Variants in IARS2 observed in about 807,000 individuals in gnomAD.
IARS2 encodes isoleucine--tRNA ligase, mitochondrial.
IARS2 carries 56 observed loss-of-function variants against 126.3 expected under a neutral mutation model. The observed-to-expected ratio is 0.44, with a 90% CI of 0.36 to 0.55. IARS2 has a LOEUF of 0.55. IARS2 is among the 20% of genes least tolerant of loss of function. IARS2 has a pLI of 0.00. For missense variants in IARS2, 1,127 were observed against 1,245.9 expected, an observed-to-expected ratio of 0.90 and a Z score of 1.44; for synonymous variants, 407 against 441.1, an observed-to-expected ratio of 0.92 and a Z score of 0.97.
Position 220,147,873 on chromosome 1 carries a change from GTATATCTCTTCCTATATA to G in IARS2, c.*242_*259del, listed in dbSNP as rs1475706112. On this transcript the variant is annotated 3_prime_UTR_variant, in exon 23 of 23. Transcript: ENST00000366922. The stretch of plus-strand genomic sequence containing the variant: ...TGTGTGTATCTGTGGATGGATATAT[GTATATCTCTTCCTATATA>G]TATCCATAGTGGACTTATTCAGAAC... 1 of 493,048 alleles carries G rather than the reference GTATATCTCTTCCTATATA, an allele frequency of 2.0e-6. No individual in the cohort carries two copies. Among genetic ancestry groups the G allele is most frequent in the African/African-American group, 1.9e-5 (1 of 52,790 alleles). The allele number at this position is 493,048 out of a possible 1,614,324, so 30.5% of individuals were successfully genotyped here. A position where few individuals can be genotyped will look rare whatever the true frequency, so the allele number is the denominator to read the frequency against.
chr1:220,147,768 C>CA lies in IARS2; in HGVS notation c.*137dup, dbSNP rs907435017. ...TGAGTAAATGGTGGAGGATGGGAGT[C>CA]AAAATCAGAATTATAGAAGAAGTAT... On this transcript the variant is annotated 3_prime_UTR_variant, in exon 23 of 23. Coordinates refer to ENST00000366922, the MANE Select transcript of IARS2 (RefSeq NM_018060.4). The CA allele has an allele frequency of 8.9e-6, 7 of 782,942 alleles. No homozygotes were observed. Among genetic ancestry groups the CA allele is most frequent in the Non-Finnish European group, 1.4e-5 (7 of 492,814 alleles). The allele number at this position is 782,942 out of a possible 1,614,324, so 48.5% of individuals were successfully genotyped here.
In IARS2 at chr1:220,141,797, G is replaced by A. The variant is rs1393431388; in HGVS notation, c.2415-6G>A. 1 of 1,613,336 alleles carries A rather than the reference G, an allele frequency of 6.2e-7. No individual in the cohort carries two copies. Among genetic ancestry groups the A allele is most frequent in the Non-Finnish European group, 8.5e-7 (1 of 1,179,680 alleles). On this transcript the variant is annotated splice_polypyrimidine_tract_variant and splice_region_variant and intron_variant, in intron 19 of 22. Coordinates refer to ENST00000366922, the MANE Select transcript of IARS2 (RefSeq NM_018060.4). ...GTCAACTGCTGAATAAGTTGTTCTT[G>A]TTCAGGCTCTATTGTGAAAAGGAAA... is the stretch of plus-strand genomic sequence containing the variant.
At chr1:220,133,057 C>T (rs1657301950) in intron 14 of IARS2, among the ~76,000 whole-genome samples, 1 of 151,250 alleles carries the variant, frequency 6.6e-6, no homozygotes, top group Non-Finnish European at 1.5e-5. Flanking sequence ...GTCGCCCAGG[C>T]TAGAGTGCAG....
intron 1 of IARS2, 120 bp downstream of exon 1, chr1:220,094,603 C>T: frequency 1.2e-6 from 1 of 816,274 alleles, no homozygotes; most frequent in South Asian, 1.9e-5. Context: ...GGGGTGTGAC[C>T]AGATTGGTGG....
chr1:220,139,182 C>G, intron 18 of IARS2, 43 bp downstream of exon 18: 1 of 1,548,660 alleles, frequency 6.5e-7, no homozygotes, highest in Non-Finnish European at 8.8e-7. Flanking sequence ...GAAATATCAG[C>G]ACTATTGTAG....
intron 18 of IARS2, among the ~76,000 whole-genome samples, 176 bp downstream of exon 18, chr1:220,139,315 A>G (rs1264515273): frequency 1.3e-5 from 2 of 152,190 alleles, no homozygotes; most frequent in Admixed American, 6.5e-5. Flanking sequence ...GATTAGCTCT[A>G]TTTTTCCAAC....
At chr1:220,123,425 T>G (rs758795399) in intron 12 of IARS2, among the ~76,000 whole-genome samples, 2 of 152,198 alleles carry the variant, frequency 1.3e-5, no homozygotes, top group Non-Finnish European at 2.9e-5. Flanking sequence ...CTTACTGATA[T>G]CCAGCTTTTA....
Position 220,096,186 on chromosome 1 carries a change from A to C in IARS2, c.350A>C (p.Tyr117Ser). 1 of 1,602,778 alleles carries C rather than the reference A, an allele frequency of 6.2e-7. No individual in the cohort carries two copies. ...TEFCLHDGPP[Y>S]ANGDPHVGHA... ...TTTTGCCTTCATGATGGACCTCCTT[A>C]TGCAAACGGTGACCCTCATGTTGGA... The change falls in exon 2 of 23, where the codon TAT (tyrosine) becomes TCT (serine). Residue 117 changes from tyrosine (Y) to serine (S), a missense_variant. By Grantham distance (144) the Tyr-to-Ser change is moderately radical. Transcript: ENST00000366922.
chr1:220,108,738 C>T (rs1193516904), intron 10 of IARS2, among the ~76,000 whole-genome samples: 3 of 151,782 alleles, frequency 2.0e-5, no homozygotes, highest in African/African-American at 7.3e-5. Context: ...AGGCTGGTCT[C>T]AAACTCCCAG....
At chr1:220,103,667 T>G in intron 8 of IARS2, 105 bp downstream of exon 8, 2 of 654,384 alleles carry the variant, frequency 3.1e-6, no homozygotes, top group East Asian at 2.7e-5. Context: ...AGATATGGCC[T>G]CTACCTTTCT....
intron 12 of IARS2, among the ~76,000 whole-genome samples, chr1:220,123,515 C>A (rs1276611421): frequency 6.6e-6 from 1 of 152,068 alleles, no homozygotes; most frequent in Non-Finnish European, 1.5e-5. Flanking sequence ...CCTCTGTCAC[C>A]CAGGCTGGAG....
chr1:220,094,287 C>CGG lies in IARS2; in HGVS notation c.72_73insGG (p.Pro25GlyfsTer50). ...GCCACTGCCCGAAGTTTGTGGGGGA[C>CGG]GCCCCGCCTTCCCTGCAGCCCGGGA... On this transcript the variant is annotated frameshift_variant, in exon 1 of 23. Coordinates refer to ENST00000366922, the MANE Select transcript of IARS2 (RefSeq NM_018060.4). LOFTEE classifies it high-confidence loss of function. The CGG allele has an allele frequency of 6.2e-7, 1 of 1,610,632 alleles. No individual in the cohort carries two copies. The highest frequency in any genetic ancestry group is 8.5e-7 in the Non-Finnish European group (1 of 1,178,718).
Position 220,137,982 on chromosome 1 carries a change from T to C in IARS2, c.2114T>C (p.Val705Ala), listed in dbSNP as rs1488422152. 5.6e-6 allele frequency: 9 copies of C among 1,614,058 alleles called. No individual in the cohort carries two copies. Among genetic ancestry groups the C allele is most frequent in the Non-Finnish European group, 7.6e-6 (9 of 1,180,010 alleles). Residue 705 changes from valine (V) to alanine (A), a missense_variant, in exon 17 of 23, where the codon GTC becomes GCC. By Grantham distance (64) the Val-to-Ala change is moderately conservative. Transcript: ENST00000366922. Reference protein sequence around the residue: ...VLRWWVADSNVFTEVAIGPSV... With the variant: ...VLRWWVADSNAFTEVAIGPSV... Reference sequence around the variant, plus strand: ...CGCTGGTGGGTAGCTGATTCCAATGTCTTCACCGAAGTTGCAATTGGCCCA... The same window carrying C: ...CGCTGGTGGGTAGCTGATTCCAATGCCTTCACCGAAGTTGCAATTGGCCCA...
At chr1:220,136,944 G>T (rs555825146) in intron 16 of IARS2, 33 bp downstream of exon 16, 36 of 1,383,834 alleles carry the variant, frequency 2.6e-5, no homozygotes, top group Non-Finnish European at 3.7e-5. Context: ...TTTTATTTTC[G>T]TTTTAAGGAT....
At position 220,094,183 on chromosome 1, in the gene IARS2, A is replaced by G. The variant is rs753073106; in HGVS notation, c.-34A>G. 2.7e-6 allele frequency: 4 copies of G among 1,504,034 alleles called. No homozygotes were observed. The African/African-American group carries it at 5.7e-5, about 22-fold the overall frequency. The allele number at this position is 1,504,034 out of a possible 1,614,324, so 93.2% of individuals were successfully genotyped here. On this transcript the variant is annotated 5_prime_UTR_variant, in exon 1 of 23. Transcript: ENST00000366922. Reference sequence around the variant, plus strand: ...TCCTGCCCCTTCAAGCTGGGGCGGGAGCGGAGGACCCCGCTCTCAGGGGTT... The same window carrying G: ...TCCTGCCCCTTCAAGCTGGGGCGGGGGCGGAGGACCCCGCTCTCAGGGGTT...
At chr1:220,112,409 C>T (rs1191564671) in intron 11 of IARS2, among the ~76,000 whole-genome samples, 1 of 62,118 alleles carries the variant, frequency 1.6e-5, no homozygotes. Flanking sequence ...GCTGGGATTA[C>T]AGGCGTGAGC....
Position 220,139,348 on chromosome 1 carries a change from T to C in IARS2, c.2307+209T>C, listed in dbSNP as rs147568279. ...AACAAGAAGGAATAAAGTGGAGTTA[T>C]ACTTTATCTGCACATGTGCTCCTCA... On this transcript the variant is annotated intron_variant, in intron 18 of 22. Transcript: ENST00000366922. 2.2e-3 allele frequency among the ~76,000 whole-genome samples: 329 copies of C among 152,384 alleles called. 2 individuals carry two copies. The highest frequency in any genetic ancestry group is 0.017 in the Middle Eastern group (5 of 294).
Position 220,133,316 on chromosome 1 carries a change from T to G in IARS2, c.1838-1086T>G, listed in dbSNP as rs554730802. Among the ~76,000 whole-genome samples, 220 of 152,296 alleles carry G rather than the reference T, an allele frequency of 1.4e-3. 1 individual carries two copies. Among genetic ancestry groups the G allele is most frequent in the African/African-American group, 5.1e-3 (210 of 41,566 alleles). ...ACACTGCACCCGGCCCCATCACAGT[T>G]ATTTCTTGCTTAACATAAAATCTAC... is the stretch of plus-strand genomic sequence containing the variant. On this transcript the variant is annotated intron_variant, in intron 14 of 22. Transcript: ENST00000366922.
chr1:220,120,747 T>C (rs1257324269), intron 12 of IARS2, among the ~76,000 whole-genome samples: 2 of 152,196 alleles, frequency 1.3e-5, no homozygotes, highest in Non-Finnish European at 2.9e-5. Flanking sequence ...GTATGCATTG[T>C]GGAATGGCTA....
Sources: allele counts gnomAD v4.1 joint callset (sites outside exome capture counted in the v4.1 genomes callset), GRCh38; gene constraint gnomAD v4.1.1; transcripts MANE v1.5; gene names NCBI Gene and HGNC (gene_info 2026-07-23, HGNC 2026-07-21).